CSMD1: variants seen among roughly 807,000 people sequenced by gnomAD.
CSMD1 encodes the protein CUB and Sushi multiple domains 1.
A neutral mutation model predicts 417.5 loss-of-function variants in CSMD1; 213 were observed. That is an observed-to-expected ratio of 0.51 (90% confidence interval 0.46 to 0.57). The LOEUF (loss-of-function observed/expected upper bound fraction) is 0.57, where lower values mean the gene tolerates loss of function less well. Ranked by LOEUF, CSMD1 falls within the 20% of genes least tolerant of loss-of-function variation. CSMD1 has a pLI of 0.00. For synonymous variants in CSMD1, 2,862 were observed against 1,736.8 expected (o/e 1.65, Z -16.11); for missense variants, 6,923 against 4,529.7 (o/e 1.53, Z -15.17).
rs4460397 is a variant in CSMD1 at position 4,219,599 on chromosome 8, G to T, written c.416-187500C>A. Among the ~76,000 whole-genome samples the T allele has an allele frequency of 6.7e-4, 102 of 152,196 alleles. 1 individual carries two copies. Among genetic ancestry groups the T allele is most frequent in the Middle Eastern group, 6.8e-3 (2 of 294 alleles). The stretch of plus-strand genomic sequence containing the variant: ...TTATTGGTCTCAATTTCTACGGTTG[G>T]CTCCAACCCAAAAAACACTATATCA... On this transcript the variant is annotated intron_variant, in intron 3 of 69. Coordinates refer to ENST00000635120, the MANE Select transcript of CSMD1 (RefSeq NM_033225.6).
At chr8:3,050,591 T>C (rs182452236) in intron 50 of CSMD1, among the ~76,000 whole-genome samples, 57 of 152,324 alleles carry the variant, frequency 3.7e-4, no homozygotes, top group East Asian at 3.1e-3. Flanking sequence ...CCAATGTATC[T>C]TGCTATCCTA....
At chr8:4,357,058 T>A (rs1801470770) in intron 3 of CSMD1, among the ~76,000 whole-genome samples, 2 of 152,226 alleles carry the variant, frequency 1.3e-5, no homozygotes, top group African/African-American at 4.8e-5. Context: ...AAAATGTATC[T>A]TTACTGAAGG....
intron 45 of CSMD1, chr8:3,106,843 G>A (rs1051232956): frequency 1.8e-5 from 8 of 436,242 alleles, no homozygotes; most frequent in South Asian, 4.8e-5. Context: ...AAGCTTAGCC[G>A]ATATTAGTAC....
chr8:3,663,130 A>C (rs1453681585), intron 7 of CSMD1, among the ~76,000 whole-genome samples: 1 of 152,194 alleles, frequency 6.6e-6, no homozygotes, highest in African/African-American at 2.4e-5. Context: ...TGGGGGCCTC[A>C]GGAGAGGCCG....
At chr8:3,461,727 G>C (rs575123230) in intron 12 of CSMD1, among the ~76,000 whole-genome samples, 1 of 152,304 alleles carries the variant, frequency 6.6e-6, no homozygotes, top group Admixed American at 6.5e-5. Flanking sequence ...AGGAGAAAAA[G>C]CTGGGGCCAT....
intron 6 of CSMD1, among the ~76,000 whole-genome samples, chr8:3,746,924 G>A (rs547395505): frequency 6.6e-6 from 1 of 152,346 alleles, no homozygotes; most frequent in East Asian, 1.9e-4. Flanking sequence ...ACACTGGCCT[G>A]TCAGCTTTCT....
chr8:4,227,295 T>A (rs985946466), intron 3 of CSMD1, among the ~76,000 whole-genome samples: 1 of 152,144 alleles, frequency 6.6e-6, no homozygotes, highest in African/African-American at 2.4e-5. Flanking sequence ...TCGGTCTGCC[T>A]TGGGGGCTGT....
chr8:3,142,295 G>A (rs945800572), intron 41 of CSMD1, among the ~76,000 whole-genome samples, 170 bp downstream of exon 41: 4 of 152,130 alleles, frequency 2.6e-5, no homozygotes, highest in Admixed American at 2.0e-4. Context: ...CCTTACCTCT[G>A]TTTTCAAAAA....
At chr8:4,415,232 C>A (rs1182298874) in intron 3 of CSMD1, among the ~76,000 whole-genome samples, 1 of 152,170 alleles carries the variant, frequency 6.6e-6, no homozygotes. Flanking sequence ...CCACTGAACT[C>A]AGCCTCCATC....
At chr8:3,217,539 G>T (rs529915842) in intron 29 of CSMD1, among the ~76,000 whole-genome samples, 12 of 152,052 alleles carry the variant, frequency 7.9e-5, no homozygotes, top group African/African-American at 2.2e-4. Flanking sequence ...TTTTGTTGGG[G>T]GCGTGGGGGG....
At position 3,738,868 on chromosome 8, in the gene CSMD1, G is replaced by T. The variant is rs78980433; in HGVS notation, c.931+15062C>A. Among the ~76,000 whole-genome samples, 139 of 152,250 alleles carry T rather than the reference G, an allele frequency of 9.1e-4. 2 individuals carry two copies. The East Asian group carries it at 0.022, about 25-fold the overall frequency. On this transcript the variant is annotated intron_variant, in intron 6 of 69. Transcript: ENST00000635120. ...GCATCAATAAATGTTACTTATTAGG[G>T]CATTCATATTTCATTCATAGTCTCG... is the stretch of plus-strand genomic sequence containing the variant.
At chr8:3,934,765 T>C (rs1282659012) in intron 5 of CSMD1, among the ~76,000 whole-genome samples, 1 of 152,076 alleles carries the variant, frequency 6.6e-6, no homozygotes, top group Non-Finnish European at 1.5e-5. Context: ...GAGAATCACT[T>C]GAACCTGGGA....
At chr8:4,711,735 T>C (rs1808311620) in intron 1 of CSMD1, among the ~76,000 whole-genome samples, 1 of 152,214 alleles carries the variant, frequency 6.6e-6, no homozygotes, top group African/African-American at 2.4e-5. Flanking sequence ...CAGAATTTCC[T>C]TCAGTTTGGT....
chr8:4,190,527 TA>T (rs1454094380), intron 3 of CSMD1, among the ~76,000 whole-genome samples: 1 of 139,152 alleles, frequency 7.2e-6, no homozygotes, highest in Admixed American at 8.0e-5. Flanking sequence ...ATTAAAATTT[TA>T]CATACACATA....
intron 3 of CSMD1, among the ~76,000 whole-genome samples, chr8:4,372,962 G>C (rs902017565): frequency 6.6e-6 from 1 of 152,200 alleles, no homozygotes; most frequent in African/African-American, 2.4e-5. Flanking sequence ...GTGCAGTGTG[G>C]CAAGAGGAAA....
chr8:4,141,304 G>T (rs1363674774), intron 3 of CSMD1, among the ~76,000 whole-genome samples: 1 of 151,116 alleles, frequency 6.6e-6, no homozygotes, highest in Non-Finnish European at 1.5e-5. Context: ...TAATTCCCAA[G>T]ATGGAAATTA....
At chr8:4,432,654 G>T (rs941938311) in intron 2 of CSMD1, among the ~76,000 whole-genome samples, 4 of 152,124 alleles carry the variant, frequency 2.6e-5, no homozygotes, top group Non-Finnish European at 5.9e-5. Flanking sequence ...GACCATGCAG[G>T]TGGAGAGCAG....
intron 7 of CSMD1, among the ~76,000 whole-genome samples, chr8:3,634,171 G>C (rs922965958): frequency 1.3e-5 from 2 of 151,408 alleles, no homozygotes; most frequent in African/African-American, 4.8e-5. Flanking sequence ...TAGCTTATGA[G>C]AGTGTCTTCG....
At chr8:3,978,863 A>C (rs1414726713) in intron 5 of CSMD1, among the ~76,000 whole-genome samples, 1 of 152,154 alleles carries the variant, frequency 6.6e-6, no homozygotes, top group Non-Finnish European at 1.5e-5. Flanking sequence ...CGCTCCCATT[A>C]GGTTTAATGA....
Sources: gnomAD v4.1 joint callset for allele counts (sites outside exome capture counted in the v4.1 genomes callset) on GRCh38, gnomAD v4.1.1 for gene constraint, MANE v1.5 for transcripts, NCBI Gene and HGNC (gene_info 2026-07-23, HGNC 2026-07-21) for gene names.